NR3C2: variants seen among roughly 807,000 people sequenced by gnomAD.
The protein encoded by NR3C2 is nuclear receptor subfamily 3 group C member 2.
In NR3C2, 15 loss-of-function variants were observed where a neutral mutation model predicts 86.4. The ratio of observed to expected loss-of-function variants is 0.17; its 90% CI spans 0.12 to 0.27. The LOEUF is 0.27. Ranked by LOEUF, NR3C2 falls within the 10% of genes least tolerant of loss-of-function variation. The pLI is 1.00. For synonymous variants in NR3C2, 458 were observed against 450.5 expected, an observed-to-expected ratio of 1.02 and a Z score of -0.21; for missense variants, 960 against 1,195.6, an observed-to-expected ratio of 0.80 and a Z score of 2.91.
At chr4:148,135,993 C>T (rs1733294043) in intron 6 of NR3C2, among the ~76,000 whole-genome samples, 1 of 109,506 alleles carries the variant, frequency 9.1e-6, no homozygotes, top group South Asian at 3.5e-4. Flanking sequence ...GGAGGCGGAG[C>T]TTGCAGTGAG....
chr4:148,146,201 C>T (rs62332226), intron 6 of NR3C2, among the ~76,000 whole-genome samples: 6 of 152,042 alleles, frequency 3.9e-5, no homozygotes, highest in African/African-American at 1.2e-4. Context: ...CCCCAACCAT[C>T]GCTGGCCCTA....
At chr4:148,378,921 A>C (rs1005513732) in intron 2 of NR3C2, among the ~76,000 whole-genome samples, 5 of 152,220 alleles carry the variant, frequency 3.3e-5, no homozygotes, top group Non-Finnish European at 5.9e-5. Context: ...ATTTTCATCG[A>C]AAGAAACAAA....
At chr4:148,364,807 G>A (rs1746026783) in intron 2 of NR3C2, among the ~76,000 whole-genome samples, 1 of 133,432 alleles carries the variant, frequency 7.5e-6, no homozygotes. Flanking sequence ...AAGTGTTTTG[G>A]CTTTGGGTTT....
At chr4:148,355,797 G>A (rs1512332) in intron 2 of NR3C2, among the ~76,000 whole-genome samples, 3 of 152,224 alleles carry the variant, frequency 2.0e-5, no homozygotes, top group East Asian at 1.9e-4. Flanking sequence ...ATAACACTTC[G>A]CATAAATAGG....
intron 2 of NR3C2, among the ~76,000 whole-genome samples, chr4:148,325,034 AT>A (rs1347801623): frequency 6.6e-6 from 1 of 152,198 alleles, no homozygotes; most frequent in Non-Finnish European, 1.5e-5. Flanking sequence ...ATAACCATAA[AT>A]TTATCATGAA....
chr4:148,387,567 G>A (rs572141374), intron 2 of NR3C2, among the ~76,000 whole-genome samples: 1 of 152,270 alleles, frequency 6.6e-6, no homozygotes, highest in South Asian at 2.1e-4. Context: ...CACATGTTTA[G>A]ACCAAGCACT....
chr4:148,251,620 T>C (rs918181567), intron 3 of NR3C2, among the ~76,000 whole-genome samples: 1 of 152,172 alleles, frequency 6.6e-6, no homozygotes, highest in African/African-American at 2.4e-5. Context: ...CTACATCTAA[T>C]TTTTATCACA....
intron 6 of NR3C2, among the ~76,000 whole-genome samples, chr4:148,135,024 C>T (rs1733233031): frequency 6.6e-6 from 1 of 151,924 alleles, no homozygotes; most frequent in Non-Finnish European, 1.5e-5. Context: ...CAAGTGCAGT[C>T]CAAGCCCTCC....
At chr4:148,092,515 G>A (rs968201741) in intron 8 of NR3C2, among the ~76,000 whole-genome samples, 4 of 152,056 alleles carry the variant, frequency 2.6e-5, no homozygotes, top group African/African-American at 9.7e-5. Context: ...TCTCGCTCCT[G>A]GGTTTCTCTG....
chr4:148,083,478 G>T (rs972316673), intron 8 of NR3C2, among the ~76,000 whole-genome samples: 1 of 152,114 alleles, frequency 6.6e-6, no homozygotes, highest in Non-Finnish European at 1.5e-5. Context: ...AACTAACAAA[G>T]GAAGGGCATC....
At chr4:148,207,039 A>C (rs1737042830) in intron 3 of NR3C2, among the ~76,000 whole-genome samples, 1 of 152,042 alleles carries the variant, frequency 6.6e-6, no homozygotes. Flanking sequence ...CTCCCACATA[A>C]GCTTCCTGAG....
At chr4:148,389,263 A>C (rs1747419483) in intron 2 of NR3C2, among the ~76,000 whole-genome samples, 1 of 152,160 alleles carries the variant, frequency 6.6e-6, no homozygotes, top group Non-Finnish European at 1.5e-5. Context: ...GAAAAAACAA[A>C]AATAAAAAAA....
upstream of NR3C2, chr4:148,442,868 C>G (rs918579716): frequency 3.0e-6 from 3 of 985,288 alleles, no homozygotes; most frequent in African/African-American, 3.5e-5. Context: ...CCCAGGATAT[C>G]TGGAGAGATG....
intron 2 of NR3C2, among the ~76,000 whole-genome samples, chr4:148,336,513 T>G (rs1744496036): frequency 6.6e-6 from 1 of 152,072 alleles, no homozygotes; most frequent in African/African-American, 2.4e-5. Context: ...GCTTGGACAA[T>G]GGGGACTTTA....
At chr4:148,136,566 C>T (rs1189695267) in intron 6 of NR3C2, among the ~76,000 whole-genome samples, 1 of 152,192 alleles carries the variant, frequency 6.6e-6, no homozygotes, top group African/African-American at 2.4e-5. Flanking sequence ...CCAATTCTAA[C>T]CCTCTGGGAG....
intron 3 of NR3C2, among the ~76,000 whole-genome samples, chr4:148,203,057 T>C (rs1296155428): frequency 2.0e-5 from 3 of 152,260 alleles, no homozygotes; most frequent in Admixed American, 6.5e-5. Flanking sequence ...ATCTTGAAGA[T>C]ACAAAGTATT....
chr4:148,283,600 T>G (rs1253963795), intron 2 of NR3C2, among the ~76,000 whole-genome samples: 1 of 152,216 alleles, frequency 6.6e-6, no homozygotes, highest in Non-Finnish European at 1.5e-5. Flanking sequence ...TCATTTATAG[T>G]CATATATTCA....
chr4:148,154,927 C>G, intron 4 of NR3C2, 26 bp from the exon 5 acceptor site: 2 of 1,525,002 alleles, frequency 1.3e-6, no homozygotes, highest in Non-Finnish European at 1.8e-6. Context: ...AATGATAAGG[C>G]CAAATTAAAA....
At chr4:148,156,992 C>T (rs544093737) in intron 4 of NR3C2, among the ~76,000 whole-genome samples, 2 of 152,024 alleles carry the variant, frequency 1.3e-5, no homozygotes, top group East Asian at 3.9e-4. Flanking sequence ...AGGATGAGTT[C>T]ATGTCCTTTA....
Sources: allele counts gnomAD v4.1 joint callset (sites outside exome capture counted in the v4.1 genomes callset), GRCh38; gene constraint gnomAD v4.1.1; transcripts MANE v1.5; gene names NCBI Gene and HGNC (gene_info 2026-07-23, HGNC 2026-07-21).